The following NF1 variants were observed in gnomAD, a reference collection of about 807,000 sequenced individuals.
The protein encoded by NF1 is neurofibromin.
In NF1, 122 loss-of-function variants were observed where a neutral mutation model predicts 325.7. That is an observed-to-expected ratio of 0.37 (90% CI 0.32 to 0.44). The LOEUF is 0.44. Among genes scored for constraint, NF1 ranks in the 20% least tolerant of loss-of-function variants. The probability of loss-of-function intolerance (pLI) is 1.00; values close to 1 mark genes in which losing one functional copy is unlikely to be tolerated. For synonymous variants in NF1, 1,091 were observed against 1,186.0 expected, an observed-to-expected ratio of 0.92 and a Z score of 1.65; for missense variants, 2,140 against 3,415.4, an observed-to-expected ratio of 0.63 and a Z score of 9.31.
At chr17:31,276,711 T>C (rs2068017363) in intron 36 of NF1, among the ~76,000 whole-genome samples, 1 of 152,160 alleles carries the variant, frequency 6.6e-6, no homozygotes, top group Non-Finnish European at 1.5e-5. Context: ...ATGATAAGAA[T>C]AGTACTTAGC....
At chr17:31,150,170 C>CA (rs1447359010) in intron 1 of NF1, among the ~76,000 whole-genome samples, 1 of 152,162 alleles carries the variant, frequency 6.6e-6, no homozygotes, top group Non-Finnish European at 1.5e-5. Context: ...GCCTTTTACT[C>CA]ACCGTGATCA....
chr17:31,184,919 T>C (rs1164258182), intron 8 of NF1, among the ~76,000 whole-genome samples: 4 of 152,158 alleles, frequency 2.6e-5, no homozygotes, highest in Non-Finnish European at 5.9e-5. Context: ...TGGAAAAGAA[T>C]GGGACCCTGC....
chr17:31,220,858 G>A (rs930783175), intron 14 of NF1, among the ~76,000 whole-genome samples: 2 of 152,056 alleles, frequency 1.3e-5, no homozygotes, highest in Non-Finnish European at 2.9e-5. Context: ...CCACGTTTTT[G>A]TACAATAGTA....
intron 11 of NF1, among the ~76,000 whole-genome samples, chr17:31,204,359 A>C (rs1597686330): frequency 6.6e-6 from 1 of 152,110 alleles, no homozygotes; most frequent in East Asian, 1.9e-4. Flanking sequence ...TAAATCTCTT[A>C]AGGAATTGCC....
In NF1 at chr17:31,181,506, C is replaced by G. The variant is rs1273482846; in HGVS notation, c.654+17C>G. ...CTGGAAAAGGTAAGTTACAACCTCT[C>G]TGGTATTAAAATTTTGTTTTTGATG... is the stretch of plus-strand genomic sequence containing the variant. On this transcript the variant is annotated intron_variant, in intron 6 of 57. Transcript: ENST00000358273. 6.2e-7 allele frequency: 1 copy of G among 1,611,614 alleles called. No individual in the cohort carries two copies. The highest frequency in any genetic ancestry group is 8.5e-7 in the Non-Finnish European group (1 of 1,178,068).
intron 24 of NF1, among the ~76,000 whole-genome samples, 182 bp downstream of exon 24, chr17:31,231,107 G>T (rs2067106594): frequency 6.6e-6 from 1 of 152,134 alleles, no homozygotes; most frequent in Non-Finnish European, 1.5e-5. Flanking sequence ...TAGACTTTCA[G>T]TAAAATTAAA....
chr17:31,268,661 T>G (rs2067834855), intron 36 of NF1, among the ~76,000 whole-genome samples: 2 of 151,708 alleles, frequency 1.3e-5, no homozygotes, highest in Non-Finnish European at 2.9e-5. Context: ...TTGGTGCTGT[T>G]TCTTCATCAG....
At chr17:31,141,590 C>T (rs567208123) in intron 1 of NF1, among the ~76,000 whole-genome samples, 2 of 152,246 alleles carry the variant, frequency 1.3e-5, no homozygotes, top group African/African-American at 2.4e-5. Context: ...CACTTAGACT[C>T]ACAATGTATT....
chr17:31,119,192 C>T (rs991051587), intron 1 of NF1, among the ~76,000 whole-genome samples: 6 of 152,080 alleles, frequency 3.9e-5, no homozygotes, highest in Non-Finnish European at 7.4e-5. Flanking sequence ...CTGCCCGCCT[C>T]GGCCTCCCAA....
chr17:31,349,758 T>C (rs1029615538), intron 49 of NF1, among the ~76,000 whole-genome samples: 11 of 152,236 alleles, frequency 7.2e-5, no homozygotes, highest in African/African-American at 2.4e-4. Context: ...TATTTGCTCT[T>C]ATCTGATTTT....
intron 29 of NF1, among the ~76,000 whole-genome samples, chr17:31,241,249 G>A (rs1315923262): frequency 6.6e-6 from 1 of 152,076 alleles, no homozygotes; most frequent in African/African-American, 2.4e-5. Flanking sequence ...GTTTCTTGTA[G>A]GCAACAGATT....
chr17:31,317,657 T>C (rs929078597), intron 36 of NF1: 3 of 152,196 alleles, frequency 2.0e-5, no homozygotes, highest in Non-Finnish European at 4.4e-5. Flanking sequence ...AATGCAAATA[T>C]ACGTGGTCAC....
intron 38 of NF1, 44 bp from the exon 39 acceptor site, chr17:31,330,252 G>T: frequency 1.3e-6 from 2 of 1,590,068 alleles, no homozygotes; most frequent in Non-Finnish European, 8.6e-7. Flanking sequence ...GGAACTATAA[G>T]GAAAAATACG....
At chr17:31,326,344 G>A in intron 37 of NF1, 92 bp downstream of exon 37, 8 of 1,277,682 alleles carry the variant, frequency 6.3e-6, no homozygotes, top group Non-Finnish European at 8.9e-6. Flanking sequence ...TACCCCTATA[G>A]TGGTGTATAA....
intron 36 of NF1, among the ~76,000 whole-genome samples, chr17:31,287,581 A>G (rs1478310694): frequency 4.0e-5 from 5 of 123,902 alleles, no homozygotes; most frequent in African/African-American, 8.7e-5. Flanking sequence ...TGTGTGTGAC[A>G]CAGGGTGTGG....
At chr17:31,182,263 T>A (rs949880160) in intron 7 of NF1, among the ~76,000 whole-genome samples, 1 of 152,190 alleles carries the variant, frequency 6.6e-6, no homozygotes, top group Non-Finnish European at 1.5e-5. Context: ...TGAGACTGAA[T>A]ACATGATCAT....
intron 1 of NF1, among the ~76,000 whole-genome samples, chr17:31,117,805 T>C (rs548224674): frequency 2.0e-4 from 30 of 152,106 alleles, no homozygotes; most frequent in Admixed American, 3.3e-4. Context: ...GTATTTGTCA[T>C]GTGACTGGTC....
At chr17:31,164,184 A>G (rs1475875414) in intron 4 of NF1, among the ~76,000 whole-genome samples, 1 of 152,210 alleles carries the variant, frequency 6.6e-6, no homozygotes, top group East Asian at 1.9e-4. Flanking sequence ...GTTTCACTAT[A>G]CCAGATTGCT....
intron 1 of NF1, among the ~76,000 whole-genome samples, chr17:31,100,195 G>T (rs889871575): frequency 3.3e-5 from 5 of 150,950 alleles, no homozygotes; most frequent in Non-Finnish European, 7.4e-5. Flanking sequence ...TAGCATATTT[G>T]TTGTTCTCAT....
Sources: gnomAD v4.1 joint callset for allele counts (sites outside exome capture counted in the v4.1 genomes callset) on GRCh38, gnomAD v4.1.1 for gene constraint, MANE v1.5 for transcripts, NCBI Gene and HGNC (gene_info 2026-07-23, HGNC 2026-07-21) for gene names.